SORCS3: variants seen among roughly 807,000 people sequenced by gnomAD.
The protein encoded by SORCS3 is sortilin related VPS10 domain containing receptor 3, also known as VPS10 domain-containing receptor SorCS3.
A neutral mutation model predicts 146.3 loss-of-function variants in SORCS3; 57 were observed. The ratio of observed to expected loss-of-function variants is 0.39; its 90% CI spans 0.31 to 0.49. The LOEUF is 0.49. SORCS3 is among the 20% of genes least tolerant of loss of function. The probability of loss-of-function intolerance (pLI) is 0.92; values close to 1 mark genes in which losing one functional copy is unlikely to be tolerated. For missense variants in SORCS3, 1,341 were observed against 1,575.5 expected, an observed-to-expected ratio of 0.85 and a Z score of 2.52; for synonymous variants, 653 against 618.5, an observed-to-expected ratio of 1.06 and a Z score of -0.83.
At chr10:105,086,175 A>C (rs991336868) in intron 5 of SORCS3, among the ~76,000 whole-genome samples, 2 of 152,312 alleles carry the variant, frequency 1.3e-5, no homozygotes, top group Admixed American at 1.3e-4. Flanking sequence ...AAGATGTCTC[A>C]TGACCCTACT....
chr10:105,095,518 C>G (rs2055739461), intron 6 of SORCS3, among the ~76,000 whole-genome samples: 1 of 152,140 alleles, frequency 6.6e-6, no homozygotes, highest in African/African-American at 2.4e-5. Context: ...CCTGCCTGCA[C>G]TATCTGCCCA....
At chr10:104,700,166 A>G (rs973836454) in intron 1 of SORCS3, among the ~76,000 whole-genome samples, 4 of 152,200 alleles carry the variant, frequency 2.6e-5, no homozygotes, top group African/African-American at 9.6e-5. Flanking sequence ...TGTGTAGGAA[A>G]ATAAGGTGGC....
chr10:105,246,695 T>C (rs2056868287), intron 21 of SORCS3, among the ~76,000 whole-genome samples: 1 of 152,368 alleles, frequency 6.6e-6, no homozygotes, highest in African/African-American at 2.4e-5. Context: ...TACAGAAGCG[T>C]GCAGGGCACA....
chr10:104,906,352 T>C (rs1179569342), intron 2 of SORCS3, among the ~76,000 whole-genome samples: 1 of 152,194 alleles, frequency 6.6e-6, no homozygotes, highest in African/African-American at 2.4e-5. Flanking sequence ...ATGTGTCTTT[T>C]GGTAGCTTAC....
intron 1 of SORCS3, among the ~76,000 whole-genome samples, chr10:104,837,105 A>C (rs868599849): frequency 1.3e-5 from 2 of 152,152 alleles, no homozygotes; most frequent in African/African-American, 2.4e-5. Flanking sequence ...CCATATATTT[A>C]TAATTCATCC....
At chr10:104,984,288 A>G (rs898364451) in intron 4 of SORCS3, among the ~76,000 whole-genome samples, 2 of 152,224 alleles carry the variant, frequency 1.3e-5, no homozygotes, top group Non-Finnish European at 2.9e-5. Flanking sequence ...AAGAAAATTC[A>G]TAAGGACAAT....
chr10:105,023,882 G>A (rs1254656066), intron 4 of SORCS3, among the ~76,000 whole-genome samples: 2 of 152,072 alleles, frequency 1.3e-5, no homozygotes, highest in African/African-American at 4.8e-5. Context: ...GATAGGGATA[G>A]GATGGTGGGG....
chr10:104,651,981 C>G (rs962438699), intron 1 of SORCS3, among the ~76,000 whole-genome samples: 8 of 152,056 alleles, frequency 5.3e-5, no homozygotes, highest in African/African-American at 1.7e-4. Flanking sequence ...CTGGGGTTGG[C>G]TAACTCTGAG....
chr10:105,197,888 A>T (rs962365725), intron 14 of SORCS3, among the ~76,000 whole-genome samples: 13 of 152,172 alleles, frequency 8.5e-5, no homozygotes, highest in African/African-American at 3.1e-4. Context: ...ATTTCCAATG[A>T]TGACCATTAT....
Position 105,121,105 on chromosome 10 carries a change from C to T in SORCS3, c.1212+15590C>T, listed in dbSNP as rs73350034. On this transcript the variant is annotated intron_variant, in intron 7 of 26. Coordinates refer to ENST00000369701, the MANE Select transcript of SORCS3 (RefSeq NM_014978.3). ...TCAAAGGAGTGAGATCAGCTATACA[C>T]TCTCAATCTCTTTCACTATTTGGAA... 4.3e-3 allele frequency among the ~76,000 whole-genome samples: 652 copies of T among 152,284 alleles called. 5 individuals carry two copies. The highest frequency in any genetic ancestry group is 0.015 in the African/African-American group (623 of 41,558).
chr10:104,909,290 G>T (rs549214813), intron 2 of SORCS3, among the ~76,000 whole-genome samples: 1 of 152,128 alleles, frequency 6.6e-6, no homozygotes, highest in African/African-American at 2.4e-5. Flanking sequence ...TTAAATGGCC[G>T]GAAAGGGGAA....
chr10:104,817,767 C>A (rs1288688742), intron 1 of SORCS3, among the ~76,000 whole-genome samples: 6 of 144,162 alleles, frequency 4.2e-5, no homozygotes, highest in African/African-American at 1.6e-4. Flanking sequence ...AGGGGGTGGG[C>A]AGATGAAGAA....
chr10:105,262,408 G>A lies in SORCS3; in HGVS notation c.3521G>A (p.Ser1174Asn), dbSNP rs1316126253. 2 of 1,614,082 alleles carry A rather than the reference G, an allele frequency of 1.2e-6. No individual in the cohort carries two copies. The highest frequency in any genetic ancestry group is 2.7e-5 in the African/African-American group (2 of 75,034). Residue 1174 changes from serine (S) to asparagine (N), a missense_variant, in exon 26 of 27, where the codon AGT (serine) becomes AAT (asparagine). By Grantham distance (46) the Ser-to-Asn change is conservative. Coordinates refer to ENST00000369701, the MANE Select transcript of SORCS3 (RefSeq NM_014978.3). ...EQEMIGSVSQ[S>N]ENAPKITLSD... ...GAGATGATTGGGTCAGTGAGCCAAA[G>A]TGAAAACGCCCCCAAAATCACACTC...
At chr10:105,134,920 GGCAGATTCCCCTCCA>G (rs2056048701) in intron 7 of SORCS3, among the ~76,000 whole-genome samples, 1 of 152,100 alleles carries the variant, frequency 6.6e-6, no homozygotes, top group Admixed American at 6.5e-5. Flanking sequence ...TTCATCCTGA[GGCAGATTCCCCTCCA>G]GCTGCAAGCC....
intron 1 of SORCS3, among the ~76,000 whole-genome samples, chr10:104,690,767 G>A (rs544160977): frequency 4.6e-5 from 7 of 152,276 alleles, no homozygotes; most frequent in East Asian, 1.9e-4. Flanking sequence ...CTATGGATCC[G>A]TGATCCAAAG....
At chr10:104,900,390 A>G (rs1890830) in intron 2 of SORCS3, among the ~76,000 whole-genome samples, 17,969 of 152,116 alleles carry the variant, frequency 0.12, 1,159 homozygotes, top group South Asian at 0.27. Flanking sequence ...GGATAGTGAG[A>G]TGGATTCCTG....
intron 1 of SORCS3, among the ~76,000 whole-genome samples, chr10:104,793,139 A>T (rs2017513628): frequency 6.6e-6 from 1 of 152,142 alleles, no homozygotes. Context: ...ACACAACCCG[A>T]TCTCAGAGGT....
intron 4 of SORCS3, among the ~76,000 whole-genome samples, chr10:105,038,497 G>T (rs1005018895): frequency 3.9e-5 from 6 of 152,094 alleles, no homozygotes; most frequent in African/African-American, 1.4e-4. Context: ...TTAAAAGGTA[G>T]TTTGAGAGAT....
intron 4 of SORCS3, among the ~76,000 whole-genome samples, chr10:105,004,595 CT>C (rs1243364436): frequency 3.3e-5 from 5 of 152,086 alleles, no homozygotes; most frequent in Admixed American, 1.3e-4. Context: ...TACCAGATCC[CT>C]GCTGTTTGTT....
Sources: allele counts gnomAD v4.1 joint callset (sites outside exome capture counted in the v4.1 genomes callset), GRCh38; gene constraint gnomAD v4.1.1; transcripts MANE v1.5; gene names NCBI Gene and HGNC (gene_info 2026-07-23, HGNC 2026-07-21).